The following ARHGAP26 variants were observed in gnomAD, a reference collection of about 807,000 sequenced individuals.
The protein encoded by ARHGAP26 is rho GTPase-activating protein 26.
A neutral mutation model predicts 104.8 loss-of-function variants in ARHGAP26; 38 were observed. That is an observed-to-expected ratio of 0.36 (90% CI 0.28 to 0.48). The LOEUF is 0.48. Ranked by LOEUF, ARHGAP26 falls within the 20% of genes least tolerant of loss-of-function variation. The pLI is 0.99. For synonymous variants in ARHGAP26, 341 were observed against 340.0 expected (o/e 1.00, Z -0.03); for missense variants, 704 against 947.9 (o/e 0.74, Z 3.38).
chr5:143,127,301 C>T (rs757866551), intron 18 of ARHGAP26, among the ~76,000 whole-genome samples: 32 of 152,132 alleles, frequency 2.1e-4, no homozygotes, highest in Non-Finnish European at 4.3e-4. Context: ...CTGTGGCACT[C>T]GAAACGGTTT....
At chr5:142,859,441 G>A (rs913075158) in intron 1 of ARHGAP26, among the ~76,000 whole-genome samples, 2 of 152,186 alleles carry the variant, frequency 1.3e-5, no homozygotes, top group Non-Finnish European at 2.9e-5. Context: ...CTTTCCTGAT[G>A]TGTGGTGGTA....
intron 1 of ARHGAP26, among the ~76,000 whole-genome samples, chr5:142,791,928 G>A (rs1759914650): frequency 1.0e-5 from 1 of 95,706 alleles, no homozygotes. Context: ...CACAACAAGA[G>A]CAAAACCCGT....
At chr5:143,060,702 C>T (rs939036644) in intron 17 of ARHGAP26, among the ~76,000 whole-genome samples, 2 of 151,684 alleles carry the variant, frequency 1.3e-5, no homozygotes, top group African/African-American at 2.4e-5. Flanking sequence ...TAACCCGGGG[C>T]GCTTGTTTAC....
intron 8 of ARHGAP26, among the ~76,000 whole-genome samples, chr5:142,904,414 A>C (rs1760806520): frequency 6.6e-6 from 1 of 151,664 alleles, no homozygotes; most frequent in African/African-American, 2.4e-5. Context: ...TGCTTACCGG[A>C]GTGAGCCTGT....
chr5:142,901,982 C>T lies in ARHGAP26; in HGVS notation c.645C>T (p.Tyr215=), dbSNP rs773011288. Residue 215 remains tyrosine, a synonymous_variant, in exon 7 of 23, where the codon TAC becomes TAT. Transcript: ENST00000645722. The part of the protein sequence containing the change: ...QGLFTFYHHG[Y]ELAKDFGDFK... ...TCTTCACTTTCTATCACCATGGTTA[C>T]GAACTGGCCAAGGATTTCGGGGACT... is the stretch of plus-strand genomic sequence containing the variant. 1.7e-5 allele frequency: 27 copies of T among 1,613,838 alleles called. No individual in the cohort carries two copies. Among genetic ancestry groups the T allele is most frequent in the Admixed American group, 5.0e-5 (3 of 59,986 alleles).
At chr5:143,081,601 G>T (rs1018962070) in intron 17 of ARHGAP26, among the ~76,000 whole-genome samples, 8 of 152,186 alleles carry the variant, frequency 5.3e-5, no homozygotes, top group African/African-American at 1.9e-4. Flanking sequence ...GAAAACAGAG[G>T]TGTCCTTGTT....
At chr5:143,159,989 C>A (rs374082433) in intron 20 of ARHGAP26, among the ~76,000 whole-genome samples, 2 of 149,920 alleles carry the variant, frequency 1.3e-5, no homozygotes, top group South Asian at 4.2e-4. Context: ...AATACATTTG[C>A]TTGGTTTTGA....
chr5:143,063,263 A>T (rs776506237), intron 17 of ARHGAP26, among the ~76,000 whole-genome samples: 2 of 151,716 alleles, frequency 1.3e-5, no homozygotes, highest in Non-Finnish European at 2.9e-5. Flanking sequence ...CTCTGTCTCC[A>T]TCAGTACTCC....
intron 3 of ARHGAP26, among the ~76,000 whole-genome samples, chr5:142,879,049 C>T (rs1192792204): frequency 1.3e-5 from 2 of 152,134 alleles, no homozygotes; most frequent in Non-Finnish European, 2.9e-5. Context: ...AAAATGTCAC[C>T]GAAGCTTGTA....
intron 20 of ARHGAP26, among the ~76,000 whole-genome samples, chr5:143,191,810 A>G (rs562605652): frequency 8.5e-5 from 13 of 152,252 alleles, no homozygotes; most frequent in African/African-American, 3.1e-4. Context: ...CTCCCTCCCA[A>G]CCAGAAATGA....
chr5:143,117,124 A>G (rs1297721560), intron 17 of ARHGAP26, among the ~76,000 whole-genome samples: 1 of 152,256 alleles, frequency 6.6e-6, no homozygotes, highest in East Asian at 1.9e-4. Context: ...CATGAAGTGT[A>G]CAAGAAGCTT....
At chr5:143,219,915 T>C (rs1024865599) in intron 22 of ARHGAP26, among the ~76,000 whole-genome samples, 3 of 152,234 alleles carry the variant, frequency 2.0e-5, no homozygotes, top group African/African-American at 7.2e-5. Context: ...GAGTCAGCAG[T>C]CCAACCCAAA....
intron 14 of ARHGAP26, among the ~76,000 whole-genome samples, chr5:143,053,124 C>T (rs1207402713): frequency 1.3e-5 from 2 of 152,256 alleles, no homozygotes; most frequent in East Asian, 3.9e-4. Flanking sequence ...GTGGTGGCAC[C>T]TGGCAGTTAC....
intron 14 of ARHGAP26, among the ~76,000 whole-genome samples, chr5:143,047,296 C>G (rs1784370210): frequency 6.6e-6 from 1 of 152,196 alleles, no homozygotes; most frequent in Non-Finnish European, 1.5e-5. Context: ...TTATTTCTTT[C>G]ACTTAGACAA....
intron 20 of ARHGAP26, among the ~76,000 whole-genome samples, chr5:143,195,386 G>T (rs1806657235): frequency 6.6e-6 from 1 of 152,098 alleles, no homozygotes; most frequent in South Asian, 2.1e-4. Flanking sequence ...TTTCAGCAGT[G>T]GACATTTAGA....
intron 20 of ARHGAP26, chr5:143,172,820 T>A (rs1190579250): frequency 6.2e-6 from 1 of 161,924 alleles, no homozygotes; most frequent in Non-Finnish European, 1.4e-5. Flanking sequence ...TGATAGGAGC[T>A]ACATGACATG....
chr5:143,181,111 A>G (rs563528109), intron 20 of ARHGAP26, among the ~76,000 whole-genome samples: 1 of 152,358 alleles, frequency 6.6e-6, no homozygotes, highest in East Asian at 1.9e-4. Flanking sequence ...AGCCTTGGCC[A>G]TCTGGCCTTC....
At chr5:142,774,116 CCAGATCCTTTGCTTTGCTT>C (rs1283795599) in intron 1 of ARHGAP26, among the ~76,000 whole-genome samples, 9 of 152,122 alleles carry the variant, frequency 5.9e-5, no homozygotes, top group Non-Finnish European at 1.3e-4. Context: ...AATATTTTCC[CCAGATCCTTTGCTTTGCTT>C]CAGTACCTTG....
intron 1 of ARHGAP26, among the ~76,000 whole-genome samples, chr5:142,855,350 G>A (rs960183083): frequency 3.3e-5 from 5 of 152,158 alleles, no homozygotes; most frequent in African/African-American, 1.2e-4. Flanking sequence ...GATACTAGGA[G>A]GCTGCTGGTT....
Sources: gnomAD v4.1 joint callset for allele counts (sites outside exome capture counted in the v4.1 genomes callset) on GRCh38, gnomAD v4.1.1 for gene constraint, MANE v1.5 for transcripts, NCBI Gene and HGNC (gene_info 2026-07-23, HGNC 2026-07-21) for gene names.